NBAS: variants seen among roughly 807,000 people sequenced by gnomAD.
The protein encoded by NBAS is NBAS subunit of NRZ tethering complex.
NBAS carries 219 observed loss-of-function variants against 302.5 expected under a neutral mutation model. The observed-to-expected ratio is 0.72, with a 90% CI of 0.65 to 0.81. NBAS has a LOEUF of 0.81. NBAS is among the 30% of genes least tolerant of loss of function. The pLI, the probability that NBAS is intolerant of heterozygous loss-of-function variation, is 0.00. For missense variants in NBAS, 2,932 were observed against 2,841.6 expected (o/e 1.03, Z -0.72); for synonymous variants, 1,118 against 1,021.6 (o/e 1.09, Z -1.80).
the NBAS span, among the ~76,000 whole-genome samples, chr2:14,789,965 C>T: frequency 1.3e-5 from 2 of 152,204 alleles, no homozygotes; most frequent in Admixed American, 1.3e-4. Flanking sequence ...TAAGCTAAAG[C>T]TGAGCCATCC....
chr2:15,034,841 A>G, the NBAS span, among the ~76,000 whole-genome samples: 3 of 152,182 alleles, frequency 2.0e-5, no homozygotes, highest in Non-Finnish European at 4.4e-5. Flanking sequence ...AATGCTATCA[A>G]TAATTTTTGA....
At chr2:15,403,212 A>C (rs1362630680) in intron 25 of NBAS, among the ~76,000 whole-genome samples, 4 of 152,230 alleles carry the variant, frequency 2.6e-5, no homozygotes, top group Non-Finnish European at 5.9e-5. Flanking sequence ...GAGATAGGAA[A>C]GTGATGGAGA....
chr2:15,071,484 C>T, the NBAS span, among the ~76,000 whole-genome samples: 3 of 151,906 alleles, frequency 2.0e-5, no homozygotes, highest in Admixed American at 2.0e-4. Flanking sequence ...ACTAGCCGGG[C>T]GTGGCAGAGG....
intron 11 of NBAS, among the ~76,000 whole-genome samples, chr2:15,495,445 TTTC>T (rs1484279942): frequency 6.6e-6 from 1 of 151,986 alleles, no homozygotes; most frequent in African/African-American, 2.4e-5. Flanking sequence ...GAAAAAACAG[TTTC>T]TTCAACAAAT....
intron 44 of NBAS, among the ~76,000 whole-genome samples, chr2:15,253,131 T>G (rs1179489726): frequency 6.6e-6 from 1 of 152,088 alleles, no homozygotes; most frequent in Non-Finnish European, 1.5e-5. Context: ...ACTCTCAACG[T>G]TTTACTGTGC....
At chr2:15,421,278 T>C (rs1677201013) in intron 23 of NBAS, among the ~76,000 whole-genome samples, 2 of 152,210 alleles carry the variant, frequency 1.3e-5, no homozygotes, top group African/African-American at 2.4e-5. Flanking sequence ...CTCACCAATT[T>C]TGTGATCCAA....
the NBAS span, among the ~76,000 whole-genome samples, chr2:15,014,377 T>G: frequency 6.6e-6 from 1 of 152,160 alleles, no homozygotes; most frequent in Non-Finnish European, 1.5e-5. Context: ...AAACATATTT[T>G]AGGACACAAA....
intron 41 of NBAS, among the ~76,000 whole-genome samples, chr2:15,288,178 T>C (rs1670143120): frequency 6.6e-6 from 1 of 152,250 alleles, no homozygotes; most frequent in African/African-American, 2.4e-5. Flanking sequence ...ATTAGTCACT[T>C]AACAAACTTC....
intron 35 of NBAS, among the ~76,000 whole-genome samples, chr2:15,338,516 G>T (rs190898510): frequency 1.6e-4 from 24 of 152,214 alleles, no homozygotes; most frequent in African/African-American, 5.8e-4. Flanking sequence ...GTCTGACTCT[G>T]CTTCATCTCA....
intron 42 of NBAS, among the ~76,000 whole-genome samples, chr2:15,281,437 T>G (rs530667503): frequency 2.0e-4 from 30 of 152,328 alleles, no homozygotes; most frequent in African/African-American, 7.2e-4. Context: ...CCATACTGAC[T>G]TGAAAAATAA....
chr2:14,956,247 TACCAAC>T, the NBAS span, among the ~76,000 whole-genome samples: 1 of 152,196 alleles, frequency 6.6e-6, no homozygotes. Context: ...TCCACATCAC[TACCAAC>T]ATTGCGGCCA....
In NBAS at chr2:15,451,181, G is replaced by C. The variant is rs147616586; in HGVS notation, c.2339+10020C>G. Among the ~76,000 whole-genome samples the C allele has an allele frequency of 1.6e-3, 241 of 152,232 alleles. 1 individual carries two copies. The highest frequency in any genetic ancestry group is 2.6e-3 in the Non-Finnish European group (176 of 68,014). On this transcript the variant is annotated intron_variant, in intron 21 of 51. Transcript: ENST00000281513. ...ATCCTCTTGCCTCAGCCCCCGAGTA[G>C]CTGGGGCTACAGAAGTGTGCCACCA...
intron 7 of NBAS, among the ~76,000 whole-genome samples, chr2:15,538,070 G>T (rs75327419): frequency 6.6e-6 from 1 of 152,102 alleles, no homozygotes; most frequent in African/African-American, 2.4e-5. Flanking sequence ...CATTAATAAT[G>T]TTTTATATTG....
chr2:15,284,030 C>A (rs1669935265), intron 42 of NBAS, among the ~76,000 whole-genome samples: 1 of 151,962 alleles, frequency 6.6e-6, no homozygotes, highest in Admixed American at 6.6e-5. Context: ...CCAGTGGAAC[C>A]AAGAGGCTGA....
At chr2:14,970,272 C>T in the NBAS span, among the ~76,000 whole-genome samples, 2 of 152,246 alleles carry the variant, frequency 1.3e-5, no homozygotes, top group South Asian at 2.1e-4. Context: ...ACAACTAGAA[C>T]TTCTAATGAT....
the NBAS span, among the ~76,000 whole-genome samples, chr2:15,018,655 C>T: frequency 6.6e-6 from 1 of 151,648 alleles, no homozygotes; most frequent in African/African-American, 2.4e-5. Context: ...TCAAATCCAC[C>T]TGACTTTTAA....
chr2:15,542,626 A>C (rs1663903269), intron 6 of NBAS, among the ~76,000 whole-genome samples: 1 of 151,634 alleles, frequency 6.6e-6, no homozygotes. Flanking sequence ...ATGATCAATA[A>C]AAAAATAAAT....
chr2:15,489,127 G>A (rs1216726268), intron 11 of NBAS, 105 bp from the exon 12 acceptor site: 1 of 1,253,688 alleles, frequency 8.0e-7, no homozygotes, highest in Admixed American at 1.8e-5. Context: ...ATGATCTTTA[G>A]TAATTAAGAG....
intron 25 of NBAS, among the ~76,000 whole-genome samples, chr2:15,415,344 G>C (rs1331544364): frequency 6.6e-6 from 1 of 152,110 alleles, no homozygotes; most frequent in East Asian, 1.9e-4. Context: ...ACAAACTTTG[G>C]AATGAAATAA....
Sources: gnomAD v4.1 joint callset for allele counts (sites outside exome capture counted in the v4.1 genomes callset) on GRCh38, gnomAD v4.1.1 for gene constraint, MANE v1.5 for transcripts, NCBI Gene and HGNC (gene_info 2026-07-23, HGNC 2026-07-21) for gene names.